Variants in WBP1L observed in about 807,000 individuals in gnomAD.
WBP1L encodes the protein WW domain binding protein 1-like.
In WBP1L, 17 loss-of-function variants were observed where a neutral mutation model predicts 33.7. That is an observed-to-expected ratio of 0.50 (90% CI 0.34 to 0.76). The LOEUF is 0.76. Ranked by LOEUF, WBP1L falls within the 30% of genes least tolerant of loss-of-function variation. The pLI is 0.01. For missense variants in WBP1L, 389 were observed against 469.4 expected (o/e 0.83, Z 1.58); for synonymous variants, 173 against 190.8 (o/e 0.91, Z 0.77).
At chr10:102,776,221 A>G (rs1288768719) in intron 1 of WBP1L, 1 of 1,516,802 alleles carries the variant, frequency 6.6e-7, no homozygotes, top group Non-Finnish European at 8.9e-7. Flanking sequence ...AGCAGGAGAC[A>G]GTGTGCCTGC....
chr10:102,754,877 TTTTA>T (rs148819787), intron 1 of WBP1L, among the ~76,000 whole-genome samples: 14 of 150,680 alleles, frequency 9.3e-5, no homozygotes, highest in South Asian at 6.3e-4. Flanking sequence ...GCTAATTTTG[TTTTA>T]TTTATTTATT....
intron 1 of WBP1L, among the ~76,000 whole-genome samples, chr10:102,768,409 C>T (rs1843141711): frequency 2.7e-5 from 1 of 37,324 alleles, no homozygotes; most frequent in African/African-American, 2.7e-4. Context: ...GACGGAGTCT[C>T]GCTCTGTCGC....
chr10:102,799,787 A>C (rs1458618122), intron 2 of WBP1L, among the ~76,000 whole-genome samples: 2 of 151,928 alleles, frequency 1.3e-5, no homozygotes, highest in African/African-American at 4.8e-5. Flanking sequence ...GTGATATGGC[A>C]AGAAAGCAGC....
At chr10:102,773,622 T>G (rs1843219140) in intron 1 of WBP1L, among the ~76,000 whole-genome samples, 1 of 152,188 alleles carries the variant, frequency 6.6e-6, no homozygotes, top group South Asian at 2.1e-4. Context: ...GCTTAGTGGC[T>G]CATGCCTGTA....
intron 1 of WBP1L, among the ~76,000 whole-genome samples, chr10:102,751,850 A>G (rs1273139501): frequency 4.6e-5 from 7 of 152,160 alleles, no homozygotes. Flanking sequence ...TTGTACTAGT[A>G]TGGGGTTGTC....
At chr10:102,786,229 T>A (rs967234707) in intron 1 of WBP1L, among the ~76,000 whole-genome samples, 1 of 152,228 alleles carries the variant, frequency 6.6e-6, no homozygotes, top group Non-Finnish European at 1.5e-5. Flanking sequence ...ATCTATTATA[T>A]GTTTTAATGG....
intron 1 of WBP1L, among the ~76,000 whole-genome samples, chr10:102,760,834 A>G (rs1564755131): frequency 1.3e-5 from 2 of 152,150 alleles, no homozygotes; most frequent in African/African-American, 4.8e-5. Context: ...CAGTTAGGAC[A>G]TCTATATGAA....
chr10:102,809,959 C>A lies in WBP1L; in HGVS notation c.260C>A (p.Ala87Asp). The A allele has an allele frequency of 1.9e-6, 3 of 1,614,024 alleles. No homozygotes were observed. Among genetic ancestry groups the A allele is most frequent in the Non-Finnish European group, 2.5e-6 (3 of 1,180,030 alleles). ...TGCTGTGTTTGCCACCACCGCCGAG[C>A]CAAGCACCGCCTTCAGGCCCAGCAG... ...SCCCVCHHRR[A>D]KHRLQAQQRQ... The change falls in exon 3 of 4, where the codon GCC becomes GAC. Residue 87 changes from alanine to aspartate, a missense_variant. Ala to Asp is a moderately radical substitution (Grantham distance 126). Transcript: ENST00000448841.
At chr10:102,785,013 T>C (rs1026655144) in intron 1 of WBP1L, among the ~76,000 whole-genome samples, 2 of 151,754 alleles carry the variant, frequency 1.3e-5, no homozygotes, top group South Asian at 4.2e-4. Flanking sequence ...GTAGCTGGGA[T>C]TACAGGCACC....
At chr10:102,775,584 G>C (rs147201355) in intron 1 of WBP1L, among the ~76,000 whole-genome samples, 1 of 152,298 alleles carries the variant, frequency 6.6e-6, no homozygotes, top group Non-Finnish European at 1.5e-5. Flanking sequence ...TACTTGCGCA[G>C]TTTGTTTATG....
chr10:102,810,377 T>C (rs1479680119), intron 3 of WBP1L, among the ~76,000 whole-genome samples: 2 of 107,680 alleles, frequency 1.9e-5, no homozygotes, highest in African/African-American at 3.5e-5. Flanking sequence ...CTCCCTTCCT[T>C]CCTCCCTCCC....
chr10:102,776,592 T>G (rs1156961824), intron 1 of WBP1L, among the ~76,000 whole-genome samples: 2 of 152,164 alleles, frequency 1.3e-5, no homozygotes, highest in Non-Finnish European at 2.9e-5. Context: ...CTCCTTACTT[T>G]CAGAGCCACC....
At chr10:102,758,344 G>A (rs778087340) in intron 1 of WBP1L, among the ~76,000 whole-genome samples, 2 of 152,162 alleles carry the variant, frequency 1.3e-5, no homozygotes, top group African/African-American at 4.8e-5. Flanking sequence ...CCAAAAAGAA[G>A]CCTTATAGCC....
At chr10:102,809,730 A>G (rs561578320) in intron 2 of WBP1L, among the ~76,000 whole-genome samples, 163 bp from the exon 3 acceptor site, 1 of 152,294 alleles carries the variant, frequency 6.6e-6, no homozygotes, top group East Asian at 1.9e-4. Flanking sequence ...ACAAGCATTT[A>G]TGGAAATTGA....
At chr10:102,750,244 C>A (rs1842912134) in intron 1 of WBP1L, among the ~76,000 whole-genome samples, 2 of 150,970 alleles carry the variant, frequency 1.3e-5, no homozygotes, top group African/African-American at 4.9e-5. Flanking sequence ...CTCATCTCTA[C>A]CAAAAATAGA....
At chr10:102,773,190 T>C (rs1334455248) in intron 1 of WBP1L, among the ~76,000 whole-genome samples, 1 of 152,194 alleles carries the variant, frequency 6.6e-6, no homozygotes, top group Non-Finnish European at 1.5e-5. Flanking sequence ...GAACTCACTT[T>C]CCTGGGAATG....
intron 1 of WBP1L, among the ~76,000 whole-genome samples, chr10:102,754,025 T>C (rs1842948000): frequency 6.6e-6 from 1 of 152,226 alleles, no homozygotes; most frequent in Admixed American, 6.5e-5. Flanking sequence ...CATTTAAAAT[T>C]CCACCTGACA....
At chr10:102,801,208 G>A (rs1409493247) in intron 2 of WBP1L, among the ~76,000 whole-genome samples, 1 of 152,112 alleles carries the variant, frequency 6.6e-6, no homozygotes, top group Non-Finnish European at 1.5e-5. Context: ...GTTTAATAGG[G>A]GCAGTAGTTG....
intron 1 of WBP1L, among the ~76,000 whole-genome samples, chr10:102,788,835 G>C (rs540848310): frequency 4.6e-5 from 7 of 152,278 alleles, no homozygotes; most frequent in Admixed American, 1.3e-4. Flanking sequence ...TAAAGAATAA[G>C]TATGAGAGTT....
Sources: allele counts gnomAD v4.1 joint callset (sites outside exome capture counted in the v4.1 genomes callset), GRCh38; gene constraint gnomAD v4.1.1; transcripts MANE v1.5; gene names NCBI Gene and HGNC (gene_info 2026-07-23, HGNC 2026-07-21).